TGFBRAP1: variants seen among roughly 807,000 people sequenced by gnomAD.
TGFBRAP1 encodes the protein transforming growth factor beta receptor associated protein 1, also known as transforming growth factor-beta receptor-associated protein 1.
In TGFBRAP1, 20 loss-of-function variants were observed where a neutral mutation model predicts 83.2. The ratio of observed to expected loss-of-function variants is 0.24; its 90% CI spans 0.17 to 0.35. TGFBRAP1 has a LOEUF of 0.35. Ranked by LOEUF, TGFBRAP1 falls within the 10% of genes least tolerant of loss-of-function variation. The pLI is 1.00. For synonymous variants in TGFBRAP1, 415 were observed against 459.8 expected, an observed-to-expected ratio of 0.90 and a Z score of 1.25; for missense variants, 950 against 1,099.4, an observed-to-expected ratio of 0.86 and a Z score of 1.92.
At chr2:105,321,955 TA>T (rs1295992346) in intron 1 of TGFBRAP1, among the ~76,000 whole-genome samples, 1 of 152,194 alleles carries the variant, frequency 6.6e-6, no homozygotes, top group Non-Finnish European at 1.5e-5. Flanking sequence ...TACACCTACT[TA>T]TGCAGGAAAA....
intron 4 of TGFBRAP1, among the ~76,000 whole-genome samples, chr2:105,291,328 C>G (rs1194994872): frequency 6.6e-6 from 1 of 152,162 alleles, no homozygotes; most frequent in African/African-American, 2.4e-5. Context: ...GTACAGACAC[C>G]TGGATCTTGG....
At chr2:105,298,847 A>G in intron 2 of TGFBRAP1, 142 bp from the exon 3 acceptor site, 1 of 715,762 alleles carries the variant, frequency 1.4e-6, no homozygotes, top group East Asian at 2.9e-5. Flanking sequence ...GAAAAACAAT[A>G]TAATATGCTG....
Position 105,269,124 on chromosome 2 carries a change from T to C in TGFBRAP1, c.2406+148A>G. 1 of 1,105,146 alleles carries C rather than the reference T, an allele frequency of 9.0e-7. No individual in the cohort carries two copies. The highest frequency in any genetic ancestry group is 1.2e-6 in the Non-Finnish European group (1 of 803,338). 68.5% of individuals were successfully genotyped at this position (1,105,146 alleles called of 1,614,324 possible). On this transcript the variant is annotated intron_variant, in intron 11 of 11. Coordinates refer to ENST00000393359, the MANE Select transcript of TGFBRAP1 (RefSeq NM_004257.6). This position sits in a 1 kb window ranked among gnomAD's most constrained non-coding sequence, Gnocchi z 4.1. Reference sequence around the variant, plus strand: ...CTGCCTCTGCTCACACAGACCTCAGTTTCTATGAGTAGGATCAGATATTGA... The same window carrying C: ...CTGCCTCTGCTCACACAGACCTCAGCTTCTATGAGTAGGATCAGATATTGA...
intron 4 of TGFBRAP1, among the ~76,000 whole-genome samples, chr2:105,284,620 C>T (rs1267247285): frequency 1.3e-5 from 2 of 152,174 alleles, no homozygotes; most frequent in Non-Finnish European, 2.9e-5. Flanking sequence ...ATCTCCAATA[C>T]TCCTCCTCAT....
intron 1 of TGFBRAP1, among the ~76,000 whole-genome samples, chr2:105,328,472 C>G (rs1411033094): frequency 6.6e-6 from 1 of 152,178 alleles, no homozygotes; most frequent in Non-Finnish European, 1.5e-5. Flanking sequence ...CATGGAACTG[C>G]GAGCTCTCAG....
intron 1 of TGFBRAP1, among the ~76,000 whole-genome samples, chr2:105,325,707 T>C: frequency 6.6e-6 from 1 of 152,088 alleles, no homozygotes; most frequent in Non-Finnish European, 1.5e-5. Context: ...GTTGACACAG[T>C]TCTCTACTAA....
chr2:105,284,698 T>A (rs902704641), intron 4 of TGFBRAP1, among the ~76,000 whole-genome samples: 3 of 152,110 alleles, frequency 2.0e-5, no homozygotes, highest in African/African-American at 7.2e-5. Context: ...AACCCTGGTG[T>A]TTCTGGCAGT....
At chr2:105,262,686 T>A (rs1676816779), downstream of TGFBRAP1, among the ~76,000 whole-genome samples, 1 of 152,232 alleles carries the variant, frequency 6.6e-6, no homozygotes, top group South Asian at 2.1e-4. Flanking sequence ...CAAGTCATGC[T>A]CGTCCTGTTG....
the TGFBRAP1 span, among the ~76,000 whole-genome samples, chr2:105,250,655 CCCACGGTCTCCCTCTCCCTCTCTTT>C: frequency 2.0e-5 from 3 of 151,054 alleles, no homozygotes; most frequent in East Asian, 2.0e-4. Context: ...TCTCCCTCTC[CCCACGGTCTCCCTCTCCCTCTCTTT>C]CCACGGTCTC....
At chr2:105,291,604 G>A (rs75656103) in intron 4 of TGFBRAP1, among the ~76,000 whole-genome samples, 5,315 of 152,284 alleles carry the variant, frequency 0.035, 174 homozygotes, top group East Asian at 0.13. Flanking sequence ...AAAGGAAGAA[G>A]ATTCTTCCAT....
chr2:105,286,987 C>A (rs1051496687), intron 4 of TGFBRAP1, among the ~76,000 whole-genome samples: 1 of 152,152 alleles, frequency 6.6e-6, no homozygotes, highest in African/African-American at 2.4e-5. Flanking sequence ...ACAAAATACA[C>A]CTTTCTAACT....
At chr2:105,275,790 A>C in intron 7 of TGFBRAP1, 87 bp from the exon 8 acceptor site, 1 of 1,386,364 alleles carries the variant, frequency 7.2e-7, no homozygotes, top group Non-Finnish European at 9.6e-7. Flanking sequence ...GAGAAATGGC[A>C]TATGTTTACT....
At chr2:105,326,442 G>A (rs1679229275) in intron 1 of TGFBRAP1, among the ~76,000 whole-genome samples, 1 of 152,204 alleles carries the variant, frequency 6.6e-6, no homozygotes, top group Admixed American at 6.5e-5. Flanking sequence ...TACTGGCCAG[G>A]AGCAGTGGCT....
At position 105,275,648 on chromosome 2, in the gene TGFBRAP1, T is replaced by C; in HGVS notation, c.1577A>G (p.Tyr526Cys). ...GGTAAGAAAATCCACGATGTATTCATACAGGTCTGAGCGTGTGGAGTCCTG... is the reference window on the plus strand; with the variant it reads ...GGTAAGAAAATCCACGATGTATTCACACAGGTCTGAGCGTGTGGAGTCCTG... ...DVQDSTRSDLYEYIVDFLTYC... is the reference protein window; with the variant it reads ...DVQDSTRSDLCEYIVDFLTYC... Residue 526 changes from tyrosine (Y) to cysteine (C), a missense_variant, in exon 8 of 12, where the codon TAT becomes TGT. Tyr to Cys is a radical substitution (Grantham distance 194). Transcript: ENST00000393359. 6.2e-7 allele frequency: 1 copy of C among 1,614,128 alleles called. No individual in the cohort carries two copies. Among genetic ancestry groups the C allele is most frequent in the Non-Finnish European group, 8.5e-7 (1 of 1,180,042 alleles).
intron 2 of TGFBRAP1, among the ~76,000 whole-genome samples, chr2:105,304,022 C>A (rs1310566652): frequency 1.3e-5 from 2 of 151,892 alleles, no homozygotes; most frequent in African/African-American, 2.4e-5. Flanking sequence ...CTGATTCAAA[C>A]AAACTAAAAA....
In TGFBRAP1 at chr2:105,320,980, A is replaced by G. The variant is rs549836713; in HGVS notation, c.-18+8645T>C. Among the ~76,000 whole-genome samples, 31 of 152,336 alleles carry G rather than the reference A, an allele frequency of 2.0e-4. 1 individual carries two copies. The highest frequency in any genetic ancestry group is 5.9e-4 in the Admixed American group (9 of 15,298). On this transcript the variant is annotated intron_variant, in intron 1 of 11. Transcript: ENST00000393359. ...TCTGTCGCTAGTCCATATGAAAAGT[A>G]GCAACGTCTGGTGGACAAGGGCAGC...
At chr2:105,260,084 T>C (rs1676753778), downstream of TGFBRAP1, among the ~76,000 whole-genome samples, 1 of 152,320 alleles carries the variant, frequency 6.6e-6, no homozygotes, top group African/African-American at 2.4e-5. Flanking sequence ...TTTAAAATCA[T>C]GAAATGGAAT....
chr2:105,323,520 G>C (rs77912730), intron 1 of TGFBRAP1, among the ~76,000 whole-genome samples: 1 of 152,108 alleles, frequency 6.6e-6, no homozygotes, highest in South Asian at 2.1e-4. Context: ...TTTGCAGGCA[G>C]CAGGGAGTGA....
In TGFBRAP1 at chr2:105,264,667, A is replaced by G. The variant is rs1474082828; in HGVS notation, c.*2716T>C. 1 of 152,278 alleles carries G rather than the reference A, an allele frequency of 6.6e-6. No homozygotes were observed. The highest frequency in any genetic ancestry group is 1.5e-5 in the Non-Finnish European group (1 of 68,056). The allele number at this position is 152,278 out of a possible 1,614,324, so 9.4% of individuals were successfully genotyped here. ...TGCCTGTGCTCCGGAAGTGAGAAGCACATGTAAGCACGCGTCAGTGAGAGC... is the reference window on the plus strand; with the variant it reads ...TGCCTGTGCTCCGGAAGTGAGAAGCGCATGTAAGCACGCGTCAGTGAGAGC... On this transcript the variant is annotated 3_prime_UTR_variant, in exon 12 of 12. Transcript: ENST00000393359.
Sources: allele counts gnomAD v4.1 joint callset (sites outside exome capture counted in the v4.1 genomes callset), GRCh38; gene constraint gnomAD v4.1.1; non-coding constraint Gnocchi (gnomAD v3.1); transcripts MANE v1.5; gene names NCBI Gene and HGNC (gene_info 2026-07-23, HGNC 2026-07-21).